Variants in PTPN4 observed in about 807,000 individuals in gnomAD.
PTPN4 encodes the protein protein tyrosine phosphatase non-receptor type 4.
In PTPN4, 49 loss-of-function variants were observed where a neutral mutation model predicts 135.5. The ratio of observed to expected loss-of-function variants is 0.36; its 90% confidence interval spans 0.29 to 0.46. The LOEUF (loss-of-function observed/expected upper bound fraction) is 0.46. Among genes scored for constraint, PTPN4 ranks in the 20% least tolerant of loss-of-function variants. The pLI, the probability that PTPN4 is intolerant of heterozygous loss-of-function variation, is 1.00. For missense variants in PTPN4, 860 were observed against 1,101.0 expected (o/e 0.78, Z 3.10); for synonymous variants, 333 against 369.9 (o/e 0.90, Z 1.14).
intron 14 of PTPN4, among the ~76,000 whole-genome samples, chr2:119,932,995 A>G (rs916526422): frequency 6.6e-6 from 1 of 152,112 alleles, no homozygotes; most frequent in Non-Finnish European, 1.5e-5. Flanking sequence ...AGCACGTTCT[A>G]TGGCCTAGGA....
At chr2:119,830,781 C>T (rs1677208187) in intron 2 of PTPN4, among the ~76,000 whole-genome samples, 1 of 152,080 alleles carries the variant, frequency 6.6e-6, no homozygotes, top group Non-Finnish European at 1.5e-5. Flanking sequence ...TCTCCTGCAC[C>T]TGCTTCTGCC....
chr2:119,963,987 A>C (rs959131764), intron 24 of PTPN4, among the ~76,000 whole-genome samples: 2 of 152,198 alleles, frequency 1.3e-5, no homozygotes, highest in African/African-American at 4.8e-5. Flanking sequence ...GTTTGAGCCA[A>C]ACATAATTGG....
At chr2:119,806,750 C>T (rs569284849) in intron 1 of PTPN4, among the ~76,000 whole-genome samples, 1 of 152,254 alleles carries the variant, frequency 6.6e-6, no homozygotes, top group East Asian at 1.9e-4. Flanking sequence ...CAGAACTCTC[C>T]ACCCCAAATC....
intron 25 of PTPN4, among the ~76,000 whole-genome samples, chr2:119,966,361 T>C (rs993756750): frequency 1.3e-5 from 2 of 152,156 alleles, no homozygotes; most frequent in African/African-American, 4.8e-5. Flanking sequence ...CAGGCTCAAG[T>C]GATCCTCCTG....
chr2:119,853,479 A>G (rs1677627388), intron 2 of PTPN4, among the ~76,000 whole-genome samples: 1 of 152,036 alleles, frequency 6.6e-6, no homozygotes, highest in South Asian at 2.1e-4. Context: ...TCTTGCTATT[A>G]TAATGTACAT....
At chr2:119,782,850 C>T (rs1217307192) in intron 1 of PTPN4, among the ~76,000 whole-genome samples, 3 of 148,056 alleles carry the variant, frequency 2.0e-5, no homozygotes, top group African/African-American at 7.6e-5. Context: ...AGACCACAGG[C>T]ATGTACCACT....
Position 119,760,328 on chromosome 2 carries a change from C to T in PTPN4, c.-74C>T. 2 of 395,026 alleles carry T rather than the reference C, an allele frequency of 5.1e-6. No individual in the cohort carries two copies. The highest frequency in any genetic ancestry group is 8.9e-6 in the Non-Finnish European group (2 of 223,970). 24.5% of individuals were successfully genotyped at this position (395,026 alleles called of 1,614,324 possible). On this transcript the variant is annotated 5_prime_UTR_variant, in exon 1 of 27. Transcript: ENST00000263708. ...GGAGGACGCGCTTCTCCTCTGCGCG[C>T]CGGGGCCTCGAGGCTTTTTTTCTCC...
chr2:119,857,683 TC>T (rs1558746860), intron 2 of PTPN4, among the ~76,000 whole-genome samples: 1 of 152,142 alleles, frequency 6.6e-6, no homozygotes, highest in Non-Finnish European at 1.5e-5. Context: ...AGGAAAATGA[TC>T]TGTTGGTGAT....
At chr2:119,895,650 A>G (rs1454900890) in intron 9 of PTPN4, among the ~76,000 whole-genome samples, 1 of 152,040 alleles carries the variant, frequency 6.6e-6, no homozygotes, top group Non-Finnish European at 1.5e-5. Context: ...GGCCGGGTGC[A>G]GTGGCTCACG....
chr2:119,897,203 G>C (rs1261226898), intron 9 of PTPN4, among the ~76,000 whole-genome samples: 1 of 152,128 alleles, frequency 6.6e-6, no homozygotes, highest in Non-Finnish European at 1.5e-5. Context: ...AAAGTGCTGG[G>C]ATTACAGGCA....
At chr2:119,946,635 T>G in intron 18 of PTPN4, 61 bp downstream of exon 18, 7 of 1,224,844 alleles carry the variant, frequency 5.7e-6, no homozygotes, top group Non-Finnish European at 8.2e-6. Flanking sequence ...TATTTTATAA[T>G]TCTTACTAGT....
chr2:119,779,420 G>A (rs547779343), intron 1 of PTPN4, among the ~76,000 whole-genome samples: 84 of 152,176 alleles, frequency 5.5e-4, no homozygotes, highest in Non-Finnish European at 9.9e-4. Context: ...GATTGAGACT[G>A]TCCTGGCTAA....
Position 119,935,613 on chromosome 2 carries a change from T to C in PTPN4, c.1355+655T>C, listed in dbSNP as rs76765164. The stretch of plus-strand genomic sequence containing the variant: ...ACATTTTGATTGTGTGTATATATTA[T>C]TAAAAATGGAGAAATAGGACAGATA... On this transcript the variant is annotated intron_variant, in intron 15 of 26. Coordinates refer to ENST00000263708, the MANE Select transcript of PTPN4 (RefSeq NM_002830.4). 3.7e-4 allele frequency among the ~76,000 whole-genome samples: 57 copies of C among 152,264 alleles called. 3 individuals are homozygous for C. In the East Asian group the frequency reaches 0.011, roughly 29 times the overall value.
At chr2:119,965,013 G>C (rs1679425710) in intron 24 of PTPN4, among the ~76,000 whole-genome samples, 1 of 152,138 alleles carries the variant, frequency 6.6e-6, no homozygotes, top group African/African-American at 2.4e-5. Flanking sequence ...TCCCCAAGGA[G>C]ATGAGATCTG....
intron 12 of PTPN4, among the ~76,000 whole-genome samples, chr2:119,921,872 C>T (rs1217138791): frequency 6.6e-6 from 1 of 151,898 alleles, no homozygotes; most frequent in South Asian, 2.1e-4. Context: ...GATTGGTTAC[C>T]AGGGTAGTTA....
intron 14 of PTPN4, among the ~76,000 whole-genome samples, chr2:119,933,551 G>A (rs1430169140): frequency 6.6e-6 from 1 of 151,456 alleles, no homozygotes; most frequent in Admixed American, 6.6e-5. Context: ...ATGGTGGCGT[G>A]CACCTGTCAG....
At chr2:119,869,883 C>G (rs2104992810) in intron 3 of PTPN4, among the ~76,000 whole-genome samples, 1 of 152,196 alleles carries the variant, frequency 6.6e-6, no homozygotes, top group Non-Finnish European at 1.5e-5. Flanking sequence ...AAGAGTCAAA[C>G]CAGAGGAAAA....
intron 1 of PTPN4, among the ~76,000 whole-genome samples, chr2:119,796,760 C>G (rs1179926925): frequency 6.6e-6 from 1 of 152,040 alleles, no homozygotes; most frequent in Non-Finnish European, 1.5e-5. Context: ...AGTGCCAAAC[C>G]GTTTTCCAGC....
intron 2 of PTPN4, among the ~76,000 whole-genome samples, chr2:119,829,587 G>A (rs1338721090): frequency 4.6e-5 from 7 of 152,104 alleles, no homozygotes; most frequent in Non-Finnish European, 1.5e-5. Flanking sequence ...ATGTCTTATT[G>A]TGTTTGGCTT....
Sources: gnomAD v4.1 joint callset for allele counts (sites outside exome capture counted in the v4.1 genomes callset) on GRCh38, gnomAD v4.1.1 for gene constraint, MANE v1.5 for transcripts, NCBI Gene and HGNC (gene_info 2026-07-23, HGNC 2026-07-21) for gene names.